The following PTPRT variants were observed in gnomAD, a reference collection of about 807,000 sequenced individuals.
The protein encoded by PTPRT is receptor-type tyrosine-protein phosphatase T.
In PTPRT, 56 loss-of-function variants were observed where a neutral mutation model predicts 176.8. That is an observed-to-expected ratio of 0.32 (90% CI 0.26 to 0.40). PTPRT has a LOEUF of 0.40. PTPRT is among the 10% of genes least tolerant of loss of function. PTPRT has a pLI of 1.00. For synonymous variants in PTPRT, 783 were observed against 739.0 expected, an observed-to-expected ratio of 1.06 and a Z score of -0.96; for missense variants, 1,540 against 1,908.2, an observed-to-expected ratio of 0.81 and a Z score of 3.60.
At chr20:42,892,377 G>A (rs1345900231) in intron 1 of PTPRT, among the ~76,000 whole-genome samples, 2 of 152,138 alleles carry the variant, frequency 1.3e-5, no homozygotes, top group Middle Eastern at 3.4e-3. Context: ...ACTTTCCATT[G>A]CTCCAACCCA....
chr20:42,176,539 G>T (rs1182172718), intron 16 of PTPRT, among the ~76,000 whole-genome samples: 1 of 152,090 alleles, frequency 6.6e-6, no homozygotes, highest in Admixed American at 6.6e-5. Flanking sequence ...CCAGAATTTT[G>T]TATTATGTAT....
chr20:42,751,663 C>T (rs1372341809), intron 6 of PTPRT, among the ~76,000 whole-genome samples: 1 of 152,154 alleles, frequency 6.6e-6, no homozygotes, highest in African/African-American at 2.4e-5. Context: ...AGCGGACTTG[C>T]TGAGTTTTCC....
At chr20:42,963,205 A>C (rs1366318790) in intron 1 of PTPRT, among the ~76,000 whole-genome samples, 1 of 151,194 alleles carries the variant, frequency 6.6e-6, no homozygotes, top group East Asian at 1.9e-4. Flanking sequence ...TCTCAAAAAA[A>C]AATAAAAATA....
intron 23 of PTPRT, among the ~76,000 whole-genome samples, chr20:42,108,503 A>AATT (rs1298631193): frequency 1.3e-5 from 2 of 152,226 alleles, no homozygotes; most frequent in Non-Finnish European, 2.9e-5. Flanking sequence ...AATTGGATGA[A>AATT]ATTACAATTA....
intron 7 of PTPRT, among the ~76,000 whole-genome samples, chr20:42,669,139 G>A (rs946735437): frequency 2.0e-5 from 3 of 152,086 alleles, no homozygotes; most frequent in African/African-American, 2.4e-5. Flanking sequence ...GAGTGCAGCA[G>A]CAGCAAAACA....
At chr20:42,806,833 T>C (rs2077616961) in intron 2 of PTPRT, among the ~76,000 whole-genome samples, 1 of 152,134 alleles carries the variant, frequency 6.6e-6, no homozygotes, top group African/African-American at 2.4e-5. Context: ...TGTTAGCCAT[T>C]ATTATTAACT....
rs562913718 is a variant in PTPRT at position 43,035,060 on chromosome 20, A to G, written c.89-149128T>C. On this transcript the variant is annotated intron_variant, in intron 1 of 30. Coordinates refer to ENST00000373187, the MANE Select transcript of PTPRT (RefSeq NM_007050.6). ...AGTCACAGCAGAATAAACAGAGACAAAGGAAAATACAGCACTACTTCCCGG... is the reference window on the plus strand; with the variant it reads ...AGTCACAGCAGAATAAACAGAGACAGAGGAAAATACAGCACTACTTCCCGG... Among the ~76,000 whole-genome samples the G allele has an allele frequency of 5.3e-5, 8 of 152,282 alleles. No individual in the cohort carries two copies. The South Asian group carries it at 1.7e-3, about 32-fold the overall frequency.
intron 1 of PTPRT, among the ~76,000 whole-genome samples, chr20:43,020,970 C>T (rs1985647511): frequency 6.6e-6 from 1 of 152,072 alleles, no homozygotes; most frequent in African/African-American, 2.4e-5. Flanking sequence ...CATTTCAACC[C>T]AAGCCCTGAA....
intron 1 of PTPRT, among the ~76,000 whole-genome samples, chr20:43,003,986 T>G (rs1187777637): frequency 6.6e-6 from 1 of 152,186 alleles, no homozygotes; most frequent in Non-Finnish European, 1.5e-5. Flanking sequence ...GACAATAGTT[T>G]ATTGCTAAAT....
chr20:42,664,379 T>C (rs2146014632), intron 7 of PTPRT, among the ~76,000 whole-genome samples: 1 of 152,318 alleles, frequency 6.6e-6, no homozygotes, highest in South Asian at 2.1e-4. Context: ...CTTTTTCTTG[T>C]CTTTCTATGT....
chr20:42,659,292 G>A (rs1031662146), intron 7 of PTPRT, among the ~76,000 whole-genome samples: 1 of 152,084 alleles, frequency 6.6e-6, no homozygotes, highest in Non-Finnish European at 1.5e-5. Context: ...GCTCTCCTAG[G>A]TAATATCTTT....
intron 7 of PTPRT, among the ~76,000 whole-genome samples, chr20:42,622,124 T>C (rs1600488459): frequency 6.6e-6 from 1 of 152,204 alleles, no homozygotes; most frequent in Non-Finnish European, 1.5e-5. Context: ...CCTTAGAAAA[T>C]ATATTGTTCC....
chr20:43,043,197 A>C (rs955812537), intron 1 of PTPRT, among the ~76,000 whole-genome samples: 1 of 152,160 alleles, frequency 6.6e-6, no homozygotes, highest in African/African-American at 2.4e-5. Context: ...TTGCAAATAC[A>C]CTGTATCTGG....
At chr20:42,475,396 C>T (rs2071272073) in intron 7 of PTPRT, among the ~76,000 whole-genome samples, 1 of 152,180 alleles carries the variant, frequency 6.6e-6, no homozygotes, top group African/African-American at 2.4e-5. Flanking sequence ...AGGAAGGCAT[C>T]ACTAGCTCTG....
intron 27 of PTPRT, among the ~76,000 whole-genome samples, chr20:42,095,187 C>A (rs749466040): frequency 2.0e-5 from 3 of 152,220 alleles, no homozygotes; most frequent in Non-Finnish European, 4.4e-5. Flanking sequence ...AGAAACCACT[C>A]TTCCCCATCC....
At chr20:42,861,337 C>T (rs896196428) in intron 2 of PTPRT, among the ~76,000 whole-genome samples, 2 of 152,210 alleles carry the variant, frequency 1.3e-5, no homozygotes, top group African/African-American at 4.8e-5. Context: ...TCATCTCTCA[C>T]ATGCTTCTTG....
At chr20:42,520,327 C>A (rs547830657) in intron 7 of PTPRT, among the ~76,000 whole-genome samples, 31 of 152,196 alleles carry the variant, frequency 2.0e-4, no homozygotes, top group Non-Finnish European at 3.7e-4. Context: ...TCAACAAATA[C>A]AATTTGCTGG....
chr20:43,050,059 G>A (rs1036535957), intron 1 of PTPRT, among the ~76,000 whole-genome samples: 1 of 152,238 alleles, frequency 6.6e-6, no homozygotes, highest in Non-Finnish European at 1.5e-5. Flanking sequence ...GAGGCTGTCA[G>A]TGGGAGTGCT....
chr20:42,167,866 G>T (rs769443128), intron 16 of PTPRT, among the ~76,000 whole-genome samples: 5 of 152,186 alleles, frequency 3.3e-5, no homozygotes, highest in African/African-American at 4.8e-5. Context: ...ATGGAGGTTA[G>T]GGGAACCAAC....
Sources: allele counts gnomAD v4.1 joint callset (sites outside exome capture counted in the v4.1 genomes callset), GRCh38; gene constraint gnomAD v4.1.1; transcripts MANE v1.5; gene names NCBI Gene and HGNC (gene_info 2026-07-23, HGNC 2026-07-21).